ARMC3: variants seen among roughly 807,000 people sequenced by gnomAD.
ARMC3 encodes the protein armadillo repeat-containing protein 3.
ARMC3 carries 74 observed loss-of-function variants against 90.3 expected under a neutral mutation model. The observed-to-expected ratio is 0.82, with a 90% CI of 0.68 to 0.99. ARMC3 has a LOEUF of 0.99. Ranked by LOEUF, ARMC3 falls within the 50% of genes least tolerant of loss-of-function variation. ARMC3 has a pLI of 0.00. For missense variants in ARMC3, 958 were observed against 1,042.8 expected (o/e 0.92, Z 1.12); for synonymous variants, 334 against 361.8 (o/e 0.92, Z 0.87).
chr10:22,952,761 G>C (rs11013202), intron 3 of ARMC3, among the ~76,000 whole-genome samples: 9,313 of 152,230 alleles, frequency 0.061, 399 homozygotes, highest in Middle Eastern at 0.12. Context: ...TATTAACATA[G>C]ATGTAAAAAT....
intron 16 of ARMC3, among the ~76,000 whole-genome samples, chr10:23,021,929 C>A (rs1052368083): frequency 6.6e-6 from 1 of 151,750 alleles, no homozygotes; most frequent in East Asian, 1.9e-4. Flanking sequence ...CTTTTTATTC[C>A]CTTAGCAGTA....
At chr10:22,972,608 T>A (rs565583610) in intron 8 of ARMC3, among the ~76,000 whole-genome samples, 1 of 152,326 alleles carries the variant, frequency 6.6e-6, no homozygotes, top group Non-Finnish European at 1.5e-5. Context: ...ACTTCATATA[T>A]GTCATCTGTG....
At chr10:22,997,542 A>G (rs927572450) in intron 10 of ARMC3, among the ~76,000 whole-genome samples, 10 of 152,352 alleles carry the variant, frequency 6.6e-5, no homozygotes, top group Middle Eastern at 3.4e-3. Context: ...TTTAATTTGT[A>G]AAAGCAGTAT....
At position 22,955,812 on chromosome 10, in the gene ARMC3, G is replaced by A. The variant is rs756672049; in HGVS notation, c.172G>A (p.Glu58Lys). ...AIYKFALKGEENKTTLLELGA... is the reference protein window; with the variant it reads ...AIYKFALKGEKNKTTLLELGA... ...TGTTTTACGTGTGATGTCAGGTGAG[G>A]AAAATAAAACAACCCTCCTTGAACT... The change falls in exon 4 of 19, where the codon GAA (glutamate) becomes AAA (lysine). Residue 58 changes from glutamate (E) to lysine (K), a missense_variant. Glu to Lys is a moderately conservative substitution (Grantham distance 56). Coordinates refer to ENST00000298032, the MANE Select transcript of ARMC3 (RefSeq NM_173081.5). The A allele has an allele frequency of 1.5e-5, 25 of 1,613,738 alleles. No homozygotes were observed. In the South Asian group the frequency reaches 2.4e-4, roughly 16 times the overall value.
intron 6 of ARMC3, chr10:22,961,496 C>A: frequency 5.4e-6 from 1 of 186,898 alleles, no homozygotes; most frequent in Non-Finnish European, 1.1e-5. Flanking sequence ...ATAAACAATC[C>A]ATTTGAATGA....
At chr10:22,929,626 C>T (rs1344591543) in intron 1 of ARMC3, among the ~76,000 whole-genome samples, 2 of 152,184 alleles carry the variant, frequency 1.3e-5, no homozygotes, top group African/African-American at 4.8e-5. Context: ...CAGCTTATTG[C>T]AACCTCCGCC....
intron 2 of ARMC3, among the ~76,000 whole-genome samples, chr10:22,940,116 T>A (rs1019969800): frequency 1.3e-5 from 2 of 152,062 alleles, no homozygotes; most frequent in African/African-American, 2.4e-5. Flanking sequence ...TCATAAGAAA[T>A]CTGCAGCACC....
At chr10:23,020,851 C>T (rs1466419470) in intron 16 of ARMC3, among the ~76,000 whole-genome samples, 3 of 152,070 alleles carry the variant, frequency 2.0e-5, no homozygotes, top group African/African-American at 2.4e-5. Flanking sequence ...AGGTTTGCTA[C>T]GTGGGTAAAT....
At chr10:22,974,694 G>A (rs1291085214) in intron 8 of ARMC3, among the ~76,000 whole-genome samples, 4 of 151,934 alleles carry the variant, frequency 2.6e-5, no homozygotes, top group Non-Finnish European at 5.9e-5. Context: ...CCAGGCTGGA[G>A]TGCAGTGGAG....
intron 13 of ARMC3, 90 bp downstream of exon 13, chr10:23,003,504 C>T (rs1304877702): frequency 9.7e-7 from 1 of 1,034,488 alleles, no homozygotes; most frequent in Admixed American, 2.9e-5. Flanking sequence ...TCATCATCAC[C>T]TAATGTAATT....
intron 16 of ARMC3, among the ~76,000 whole-genome samples, chr10:23,027,104 T>C (rs1838741971): frequency 6.6e-6 from 1 of 152,192 alleles, no homozygotes; most frequent in Admixed American, 6.5e-5. Context: ...TATCCTAAAA[T>C]CCGTGCCTTT....
intron 7 of ARMC3, among the ~76,000 whole-genome samples, chr10:22,967,761 C>G (rs1485757140): frequency 6.6e-6 from 1 of 152,156 alleles, no homozygotes; most frequent in Non-Finnish European, 1.5e-5. Flanking sequence ...AAAGTGAGTT[C>G]CTTCCCTTCA....
intron 12 of ARMC3, 122 bp from the exon 13 acceptor site, chr10:23,003,124 G>A: frequency 2.5e-6 from 2 of 787,088 alleles, no homozygotes; most frequent in Non-Finnish European, 3.8e-6. Flanking sequence ...ATCTAAGAGG[G>A]TGGGGGAGGC....
intron 10 of ARMC3, among the ~76,000 whole-genome samples, chr10:22,994,997 T>A (rs183431206): frequency 7.2e-4 from 109 of 152,362 alleles, no homozygotes; most frequent in African/African-American, 2.5e-3. Context: ...TGATAGTAAA[T>A]ATCAGAAAAT....
At chr10:22,935,156 T>C (rs1834065241) in intron 2 of ARMC3, among the ~76,000 whole-genome samples, 1 of 152,178 alleles carries the variant, frequency 6.6e-6, no homozygotes, top group South Asian at 2.1e-4. Flanking sequence ...CTTTCTTTCC[T>C]TAGTTAAATG....
intron 3 of ARMC3, among the ~76,000 whole-genome samples, chr10:22,954,591 G>A (rs574669105): frequency 6.6e-6 from 1 of 150,766 alleles, no homozygotes; most frequent in Non-Finnish European, 1.5e-5. Context: ...AGAATCGCTT[G>A]AGCCGAGGAG....
At chr10:23,027,741 A>G (rs917554651) in intron 16 of ARMC3, among the ~76,000 whole-genome samples, 1 of 152,010 alleles carries the variant, frequency 6.6e-6, no homozygotes, top group African/African-American at 2.4e-5. Flanking sequence ...GTTTTTTTCT[A>G]TACTGTACCC....
chr10:22,984,291 G>A (rs1465093836), intron 10 of ARMC3, among the ~76,000 whole-genome samples: 1 of 152,164 alleles, frequency 6.6e-6, no homozygotes, highest in African/African-American at 2.4e-5. Context: ...CATGCATTGA[G>A]TAATCGCTGG....
intron 8 of ARMC3, among the ~76,000 whole-genome samples, chr10:22,980,426 A>G (rs1836136467): frequency 6.6e-6 from 1 of 152,070 alleles, no homozygotes; most frequent in Non-Finnish European, 1.5e-5. Flanking sequence ...GTACATCTTT[A>G]TTTCATCAAA....
Sources: gnomAD v4.1 joint callset for allele counts (sites outside exome capture counted in the v4.1 genomes callset) on GRCh38, gnomAD v4.1.1 for gene constraint, MANE v1.5 for transcripts, NCBI Gene and HGNC (gene_info 2026-07-23, HGNC 2026-07-21) for gene names.